The following LGSN variants were observed in gnomAD, a reference collection of about 807,000 sequenced individuals.
LGSN encodes lengsin, lens protein with glutamine synthetase domain, also known as lengsin.
A neutral mutation model predicts 19.5 loss-of-function variants in LGSN; 21 were observed. The ratio of observed to expected loss-of-function variants is 1.07; its 90% CI spans 0.76 to 1.55. The LOEUF is 1.55. Ranked by LOEUF, LGSN falls within the 40% of genes most tolerant of loss-of-function variation. LGSN has a pLI of 0.00. For missense variants in LGSN, 673 were observed against 608.5 expected (o/e 1.11, Z -1.12); for synonymous variants, 257 against 215.6 (o/e 1.19, Z -1.68).
the LGSN span, among the ~76,000 whole-genome samples, chr6:63,410,074 C>G: frequency 6.6e-6 from 1 of 152,050 alleles, no homozygotes; most frequent in Non-Finnish European, 1.5e-5. Flanking sequence ...AAGGTATTAC[C>G]TCATCTATAA....
At chr6:63,358,246 T>C in the LGSN span, among the ~76,000 whole-genome samples, 9 of 152,242 alleles carry the variant, frequency 5.9e-5, no homozygotes, top group Admixed American at 2.6e-4. Flanking sequence ...CCTTGTAGTA[T>C]AGTTTGAAGT....
chr6:63,455,084 C>T, the LGSN span, among the ~76,000 whole-genome samples: 6 of 152,256 alleles, frequency 3.9e-5, no homozygotes, highest in African/African-American at 9.6e-5. Context: ...TGAGCCACCA[C>T]GCCTGGCCAA....
intron 2 of LGSN, among the ~76,000 whole-genome samples, chr6:63,290,333 C>T (rs1461831698): frequency 6.6e-6 from 1 of 152,192 alleles, no homozygotes; most frequent in Non-Finnish European, 1.5e-5. Context: ...GATACAAGAT[C>T]TTTCTCCAGA....
At chr6:63,349,910 G>A in the LGSN span, among the ~76,000 whole-genome samples, 2 of 152,138 alleles carry the variant, frequency 1.3e-5, no homozygotes, top group African/African-American at 4.8e-5. Flanking sequence ...CATTCTGGTG[G>A]CATTTAGGGA....
At position 63,281,182 on chromosome 6, in the gene LGSN, A is replaced by G. The variant is rs375113104; in HGVS notation, c.369T>C (p.Tyr123=). The G allele has an allele frequency of 1.9e-5, 30 of 1,612,368 alleles. No homozygotes were observed. Among genetic ancestry groups the G allele is most frequent in the Non-Finnish European group, 2.5e-5 (30 of 1,179,232 alleles). The change falls in exon 4 of 4, where the codon TAT becomes TAC. Residue 123 remains tyrosine, a synonymous_variant. Coordinates refer to ENST00000370657, the MANE Select transcript of LGSN (RefSeq NM_016571.3). ...CCTTTGGATTTGGTATCACTTCAAG[A>G]TAACCTCGGGGCATGCAAACACCAT... ...VSHGVCMPRG[Y]LEVIPNPKDN... is the part of the protein sequence containing the mutation.
the LGSN span, among the ~76,000 whole-genome samples, chr6:63,562,390 C>A: frequency 1.3e-5 from 2 of 151,946 alleles, no homozygotes; most frequent in Admixed American, 1.3e-4. Context: ...GTAGAGACAG[C>A]GTTTCTCCAT....
the LGSN span, among the ~76,000 whole-genome samples, chr6:63,487,589 G>A: frequency 1.3e-5 from 2 of 152,334 alleles, no homozygotes; most frequent in Middle Eastern, 3.4e-3. Flanking sequence ...GGCTTCAGGA[G>A]ACAGATCCTT....
At chr6:63,339,979 C>G in the LGSN span, among the ~76,000 whole-genome samples, 1 of 151,914 alleles carries the variant, frequency 6.6e-6, no homozygotes, top group Non-Finnish European at 1.5e-5. Context: ...TTTTGCTTTT[C>G]TTATAAAGAC....
chr6:63,296,477 T>A (rs1304916819), intron 1 of LGSN, among the ~76,000 whole-genome samples: 2 of 151,210 alleles, frequency 1.3e-5, no homozygotes, highest in Non-Finnish European at 3.0e-5. Context: ...TAAATGCATA[T>A]GTATATATTT....
At chr6:63,406,045 C>A in the LGSN span, among the ~76,000 whole-genome samples, 1 of 152,158 alleles carries the variant, frequency 6.6e-6, no homozygotes, top group Non-Finnish European at 1.5e-5. Flanking sequence ...GAGTGACCTA[C>A]AAAGAGACTT....
intron 1 of LGSN, among the ~76,000 whole-genome samples, chr6:63,296,604 C>T (rs1767985836): frequency 6.6e-6 from 1 of 151,892 alleles, no homozygotes; most frequent in African/African-American, 2.4e-5. Flanking sequence ...TTTGTCTTAG[C>T]TTGACCCTTT....
chr6:63,399,068 A>G, the LGSN span, among the ~76,000 whole-genome samples: 1 of 152,198 alleles, frequency 6.6e-6, no homozygotes, highest in Admixed American at 6.5e-5. Context: ...CGGACTCCCA[A>G]AGTGATGGGA....
chr6:63,497,169 G>T, the LGSN span, among the ~76,000 whole-genome samples: 2 of 151,850 alleles, frequency 1.3e-5, 1 homozygote, highest in African/African-American at 4.8e-5. Flanking sequence ...TCGAGATGGG[G>T]TATTGTTATG....
At chr6:63,465,306 C>T in the LGSN span, among the ~76,000 whole-genome samples, 59 of 151,898 alleles carry the variant, frequency 3.9e-4, no homozygotes, top group African/African-American at 1.2e-3. Context: ...TCAGCCTCCT[C>T]GGTAGCTGGG....
the LGSN span, among the ~76,000 whole-genome samples, chr6:63,560,203 T>G: frequency 0.11 from 16,123 of 151,600 alleles, 938 homozygotes; most frequent in East Asian, 0.16. Context: ...CGGGATGTGG[T>G]GGCAAGCGCC....
At chr6:63,413,497 T>C in the LGSN span, among the ~76,000 whole-genome samples, 1 of 152,222 alleles carries the variant, frequency 6.6e-6, no homozygotes, top group African/African-American at 2.4e-5. Context: ...CATTGCTTTA[T>C]GAATAGCATA....
chr6:63,313,506 C>T (rs368609758), intron 1 of LGSN, among the ~76,000 whole-genome samples: 20 of 152,172 alleles, frequency 1.3e-4, no homozygotes, highest in African/African-American at 4.1e-4. Context: ...GAAAAGTTTA[C>T]GTTGCTTTTA....
chr6:63,456,394 C>CTT, the LGSN span, among the ~76,000 whole-genome samples: 83 of 62,132 alleles, frequency 1.3e-3, no homozygotes, highest in African/African-American at 2.4e-3. Flanking sequence ...TATATATATA[C>CTT]TTTTTTTTTT....
chr6:63,403,946 T>TTC, the LGSN span, among the ~76,000 whole-genome samples: 862 of 148,230 alleles, frequency 5.8e-3, 2 homozygotes, highest in Middle Eastern at 0.021. Context: ...GCCTCTCTCT[T>TTC]TCTCTCTCTC....
Sources: gnomAD v4.1 joint callset for allele counts (sites outside exome capture counted in the v4.1 genomes callset) on GRCh38, gnomAD v4.1.1 for gene constraint, MANE v1.5 for transcripts, NCBI Gene and HGNC (gene_info 2026-07-23, HGNC 2026-07-21) for gene names.